The following AGAP1 variants were observed in gnomAD, a reference collection of about 807,000 sequenced individuals.
AGAP1 encodes the protein arf-GAP with GTPase, ANK repeat and PH domain-containing protein 1.
A neutral mutation model predicts 105.3 loss-of-function variants in AGAP1; 29 were observed. The ratio of observed to expected loss-of-function variants is 0.28; its 90% confidence interval spans 0.21 to 0.38. AGAP1 has a LOEUF of 0.38. Ranked by LOEUF, AGAP1 falls within the 10% of genes least tolerant of loss-of-function variation. AGAP1 has a pLI of 1.00. For missense variants in AGAP1, 998 were observed against 1,165.1 expected (o/e 0.86, Z 2.09); for synonymous variants, 509 against 485.9 (o/e 1.05, Z -0.63).
rs186136679 is a variant in AGAP1 at position 235,724,758 on chromosome 2, C to T, written c.310+7114C>T. Among the ~76,000 whole-genome samples, 3 of 152,086 alleles carry T rather than the reference C, an allele frequency of 2.0e-5. No homozygotes were observed. The highest frequency in any genetic ancestry group is 4.4e-5 in the Non-Finnish European group (3 of 68,018). ...GAGAAACAGTGGGTGAGATTAGGCTCGACAGTTCCCTAACTCAGGAAAGTC... is the reference window on the plus strand; with the variant it reads ...GAGAAACAGTGGGTGAGATTAGGCTTGACAGTTCCCTAACTCAGGAAAGTC... On this transcript the variant is annotated intron_variant, in intron 3 of 17. Transcript: ENST00000304032. The surrounding 1 kb of genome is among the most constrained non-coding windows in gnomAD (Gnocchi z 4.9).
intron 6 of AGAP1, among the ~76,000 whole-genome samples, chr2:235,766,342 C>A (rs1954949875): frequency 6.6e-6 from 1 of 152,108 alleles, no homozygotes; most frequent in Non-Finnish European, 1.5e-5. Flanking sequence ...ACCGTATGGC[C>A]CATGAAGCAC....
intron 12 of AGAP1, among the ~76,000 whole-genome samples, chr2:235,935,577 T>C (rs998561287): frequency 2.6e-5 from 4 of 152,196 alleles, no homozygotes; most frequent in Non-Finnish European, 5.9e-5. Context: ...TTAAACTGTT[T>C]ATCACTGTAA....
At chr2:235,726,137 G>A (rs1951632127) in intron 3 of AGAP1, among the ~76,000 whole-genome samples, 1 of 152,186 alleles carries the variant, frequency 6.6e-6, no homozygotes, top group South Asian at 2.1e-4. Context: ...TGGAGCCTGT[G>A]TTCCAGAGAA....
chr2:235,585,341 G>T (rs561514717), intron 1 of AGAP1, among the ~76,000 whole-genome samples: 1 of 152,132 alleles, frequency 6.6e-6, no homozygotes, highest in Admixed American at 6.5e-5. Flanking sequence ...GGCCTCTGCC[G>T]TGGTAGCTGC....
chr2:235,881,512 C>G (rs1483010568), intron 9 of AGAP1, among the ~76,000 whole-genome samples: 1 of 152,180 alleles, frequency 6.6e-6, no homozygotes, highest in African/African-American at 2.4e-5. Context: ...AGAGATTGTT[C>G]CATTTTTCTT....
At chr2:235,589,186 A>ATTTTTTTTTTTTTTTT (rs1559270688) in intron 1 of AGAP1, among the ~76,000 whole-genome samples, 1 of 35,086 alleles carries the variant, frequency 2.9e-5, no homozygotes. Flanking sequence ...TTAATAGCTT[A>ATTTTTTTTTTTTTTTT]TTGTTTTGTT....
At chr2:235,576,708 C>G (rs1944744755) in intron 1 of AGAP1, among the ~76,000 whole-genome samples, 1 of 152,244 alleles carries the variant, frequency 6.6e-6, no homozygotes, top group Admixed American at 6.5e-5. Flanking sequence ...CCTGGGCCCC[C>G]TCTGAGGGAG....
At chr2:235,997,831 T>G (rs1287453984) in intron 13 of AGAP1, among the ~76,000 whole-genome samples, 1 of 152,290 alleles carries the variant, frequency 6.6e-6, no homozygotes, top group East Asian at 1.9e-4. Context: ...ATTGTATTTT[T>G]AAGAGGACTT....
In AGAP1 at chr2:235,930,804, G is replaced by A; in HGVS notation, c.1364G>A (p.Gly455Asp). 5.0e-6 allele frequency: 8 copies of A among 1,614,026 alleles called. No individual in the cohort carries two copies. Among genetic ancestry groups the A allele is most frequent in the East Asian group, 2.2e-5 (1 of 44,844 alleles). The part of the protein sequence containing the change: ...TSASGSQMAS[G>D]ISLVSFNSRP... ...GCATCTGGGTCTCAGATGGCAAGCG[G>A]CATCAGCCTGGTCTCCTTCAACAGC... The change falls in exon 12 of 18, where the codon GGC becomes GAC. Residue 455 changes from glycine to aspartate, a missense_variant. Transcript: ENST00000304032. The surrounding 1 kb of genome is among the most constrained non-coding windows in gnomAD (Gnocchi z 7.9).
chr2:235,886,606 CGCAATGGGGCTTTGTTGTATAA>C (rs1421345176), intron 10 of AGAP1, among the ~76,000 whole-genome samples: 2 of 152,132 alleles, frequency 1.3e-5, no homozygotes, highest in African/African-American at 4.8e-5. Flanking sequence ...GGAAGAGGGG[CGCAATGGGGCTTTGTTGTATAA>C]TTGTATAGCA....
In AGAP1 at chr2:235,982,902, A is replaced by AC. The variant is rs1333999810; in HGVS notation, c.1645+14280dup. 6.6e-6 allele frequency among the ~76,000 whole-genome samples: 1 copy of AC among 152,126 alleles called. No homozygotes were observed. Among genetic ancestry groups the AC allele is most frequent in the African/African-American group, 2.4e-5 (1 of 41,420 alleles). On this transcript the variant is annotated intron_variant, in intron 13 of 17. Transcript: ENST00000304032. The surrounding 1 kb of genome is among the most constrained non-coding windows in gnomAD (Gnocchi z 4.9). The stretch of plus-strand genomic sequence containing the variant: ...GAGCCACTTTTTCCCACGTTCTTTT[A>AC]CTTGAGTTCTGAGACAAGATTTGAT...
At chr2:235,573,040 TTCTTCTTCTTCTTC>T (rs57684726) in intron 1 of AGAP1, among the ~76,000 whole-genome samples, 2,893 of 28,820 alleles carry the variant, frequency 0.1, 280 homozygotes, top group East Asian at 0.15. Context: ...CTTCTTCTTC[TTCTTCTTCTTCTTC>T]TTCTTCTTTC....
At chr2:235,546,036 T>G (rs1943611216) in intron 1 of AGAP1, among the ~76,000 whole-genome samples, 1 of 152,206 alleles carries the variant, frequency 6.6e-6, no homozygotes, top group South Asian at 2.1e-4. Context: ...AGGAGTGAGT[T>G]AGGTTTCATC....
intron 1 of AGAP1, among the ~76,000 whole-genome samples, chr2:235,521,735 TA>T (rs1455827345): frequency 0.3 from 7,250 of 24,250 alleles, 615 homozygotes; most frequent in African/African-American, 0.44. Context: ...TTTTGTTTGT[TA>T]TATATATGTG....
rs965527145 is a variant in AGAP1 at position 235,725,941 on chromosome 2, T to G, written c.310+8297T>G. Among the ~76,000 whole-genome samples the G allele has an allele frequency of 7.2e-5, 11 of 152,232 alleles. No individual in the cohort carries two copies. The highest frequency in any genetic ancestry group is 2.7e-4 in the African/African-American group (11 of 41,464). ...AAAGGGAAGCATGTTCTGTTTCATT[T>G]TGAGCAAGAAAAAAAGCCGTAAAAT... is the stretch of plus-strand genomic sequence containing the variant. On this transcript the variant is annotated intron_variant, in intron 3 of 17. Coordinates refer to ENST00000304032, the MANE Select transcript of AGAP1 (RefSeq NM_001037131.3). The surrounding 1 kb of genome is among the most constrained non-coding windows in gnomAD (Gnocchi z 5.7).
In AGAP1 at chr2:235,739,843, G is replaced by A. The variant is rs1369434465; in HGVS notation, c.311-1120G>A. The stretch of plus-strand genomic sequence containing the variant: ...GGTTCAGACCCAGGATTCTAGGAGG[G>A]AAGGTTCCCGTCGCAGGGGAGGGAA... On this transcript the variant is annotated intron_variant, in intron 3 of 17. Transcript: ENST00000304032. The surrounding 1 kb of genome is among the most constrained non-coding windows in gnomAD (Gnocchi z 5.3). Among the ~76,000 whole-genome samples, 3 of 152,192 alleles carry A rather than the reference G, an allele frequency of 2.0e-5. No individual in the cohort carries two copies. The highest frequency in any genetic ancestry group is 4.4e-5 in the Non-Finnish European group (3 of 68,042).
At chr2:236,019,377 C>A (rs2056813470) in intron 13 of AGAP1, among the ~76,000 whole-genome samples, 1 of 152,136 alleles carries the variant, frequency 6.6e-6, no homozygotes, top group African/African-American at 2.4e-5. Flanking sequence ...GCTCTGGGGG[C>A]TTTGTGGAGA....
intron 9 of AGAP1, among the ~76,000 whole-genome samples, chr2:235,880,629 A>G (rs974805148): frequency 1.6e-4 from 24 of 151,662 alleles, no homozygotes; most frequent in Non-Finnish European, 2.8e-4. Context: ...AATCCCAGCT[A>G]CTCTGGAGGC....
intron 1 of AGAP1, among the ~76,000 whole-genome samples, chr2:235,515,145 A>G (rs779579950): frequency 2.0e-5 from 3 of 152,156 alleles, no homozygotes; most frequent in Non-Finnish European, 2.9e-5. Context: ...CACTGTGGTA[A>G]GTTGACTCTT....
Sources: allele counts gnomAD v4.1 joint callset (sites outside exome capture counted in the v4.1 genomes callset), GRCh38; gene constraint gnomAD v4.1.1; non-coding constraint Gnocchi (gnomAD v3.1); transcripts MANE v1.5; gene names NCBI Gene and HGNC (gene_info 2026-07-23, HGNC 2026-07-21).